The following EXOC6B variants were observed in gnomAD, a reference collection of about 807,000 sequenced individuals.
EXOC6B encodes exocyst complex component 6B.
In EXOC6B, 54 loss-of-function variants were observed where a neutral mutation model predicts 113.5. The ratio of observed to expected loss-of-function variants is 0.48; its 90% confidence interval spans 0.38 to 0.60. The LOEUF is 0.60. Among genes scored for constraint, EXOC6B ranks in the 20% least tolerant of loss-of-function variants. EXOC6B has a pLI of 0.00. For missense variants in EXOC6B, 797 were observed against 977.5 expected, an observed-to-expected ratio of 0.82 and a Z score of 2.46; for synonymous variants, 357 against 339.0, an observed-to-expected ratio of 1.05 and a Z score of -0.58.
chr2:72,650,508 G>A (rs1674082985), intron 6 of EXOC6B, among the ~76,000 whole-genome samples: 1 of 152,070 alleles, frequency 6.6e-6, no homozygotes, highest in South Asian at 2.1e-4. Context: ...GGCTGACGCA[G>A]GAGAATCACT....
chr2:72,758,768 G>A (rs551474450), intron 1 of EXOC6B, among the ~76,000 whole-genome samples: 2 of 152,206 alleles, frequency 1.3e-5, no homozygotes, highest in African/African-American at 4.8e-5. Context: ...TCACTGCAAA[G>A]CAACCAATCC....
intron 20 of EXOC6B, among the ~76,000 whole-genome samples, chr2:72,315,497 C>G (rs1479823481): frequency 6.6e-6 from 1 of 152,020 alleles, no homozygotes; most frequent in Non-Finnish European, 1.5e-5. Flanking sequence ...CCTTTATTGT[C>G]CTACTGATTA....
At chr2:72,501,348 A>G (rs1239305558) in intron 11 of EXOC6B, among the ~76,000 whole-genome samples, 1 of 152,054 alleles carries the variant, frequency 6.6e-6, no homozygotes, top group African/African-American at 2.4e-5. Context: ...TCCCTCTCTC[A>G]CAATGTGACA....
At chr2:72,255,616 C>T (rs1331406496) in intron 20 of EXOC6B, among the ~76,000 whole-genome samples, 1 of 152,168 alleles carries the variant, frequency 6.6e-6, no homozygotes, top group Admixed American at 6.5e-5. Context: ...TATCCCTATC[C>T]CACCACTGTA....
intron 21 of EXOC6B, 136 bp from the exon 22 acceptor site, chr2:72,179,597 C>T: frequency 1.0e-6 from 1 of 982,588 alleles, no homozygotes; most frequent in Non-Finnish European, 1.5e-6. Context: ...TCTCCACTGT[C>T]AGGCCCACAC....
rs530702671 is a variant in EXOC6B, at chr2:72,624,134, T to C, written c.670-48466A>G. 7.2e-5 allele frequency among the ~76,000 whole-genome samples: 11 copies of C among 152,194 alleles called. No individual in the cohort carries two copies. In the East Asian group the frequency reaches 1.2e-3, roughly 16 times the overall value. ...TTTCTCCCCTCAGATCAAAATCAGATCATCTTTTTTTTTTCCTTTTTTGAG... is the reference window on the plus strand; with the variant it reads ...TTTCTCCCCTCAGATCAAAATCAGACCATCTTTTTTTTTTCCTTTTTTGAG... On this transcript the variant is annotated intron_variant, in intron 6 of 21. Transcript: ENST00000272427.
chr2:72,473,390 A>T (rs1336052919), intron 17 of EXOC6B, among the ~76,000 whole-genome samples: 1 of 152,054 alleles, frequency 6.6e-6, no homozygotes, highest in Non-Finnish European at 1.5e-5. Flanking sequence ...ATTTGGTGTT[A>T]CATCCTCTTG....
chr2:72,632,988 C>A (rs1672576604), intron 6 of EXOC6B, among the ~76,000 whole-genome samples: 1 of 152,162 alleles, frequency 6.6e-6, no homozygotes, highest in Non-Finnish European at 1.5e-5. Context: ...CACCAGTTTT[C>A]TTAATCTATA....
At chr2:72,416,382 C>T (rs935603480) in intron 18 of EXOC6B, among the ~76,000 whole-genome samples, 9 of 152,110 alleles carry the variant, frequency 5.9e-5, no homozygotes, top group Non-Finnish European at 1.3e-4. Context: ...AAATGTGGTG[C>T]GTTTTACTCT....
chr2:72,401,506 TATATATATAC>T (rs1693166100), intron 18 of EXOC6B, among the ~76,000 whole-genome samples: 1 of 57,718 alleles, frequency 1.7e-5, no homozygotes, highest in Non-Finnish European at 2.6e-5. Context: ...TATATATATA[TATATATATAC>T]ATATATACAT....
intron 18 of EXOC6B, among the ~76,000 whole-genome samples, chr2:72,405,728 G>A (rs1044316776): frequency 2.0e-5 from 3 of 152,156 alleles, no homozygotes; most frequent in Non-Finnish European, 4.4e-5. Flanking sequence ...GGAACAACCA[G>A]TACCAGCCAC....
chr2:72,767,332 G>A (rs1683125265), intron 1 of EXOC6B, among the ~76,000 whole-genome samples: 2 of 152,086 alleles, frequency 1.3e-5, no homozygotes, highest in Non-Finnish European at 2.9e-5. Context: ...TGGAGAGGCT[G>A]AGGCAGGAGA....
chr2:72,765,994 T>C (rs776913877), intron 1 of EXOC6B, among the ~76,000 whole-genome samples: 2 of 152,222 alleles, frequency 1.3e-5, no homozygotes, highest in Non-Finnish European at 2.9e-5. Context: ...GTTATTATTT[T>C]CTCAACACAT....
chr2:72,210,217 G>C (rs1320145110), intron 20 of EXOC6B, among the ~76,000 whole-genome samples: 1 of 152,060 alleles, frequency 6.6e-6, no homozygotes, highest in African/African-American at 2.4e-5. Context: ...TTACTGTCAT[G>C]CAAAACGCTG....
At chr2:72,481,335 A>G (rs1307517978) in intron 16 of EXOC6B, among the ~76,000 whole-genome samples, 4 of 152,188 alleles carry the variant, frequency 2.6e-5, no homozygotes, top group African/African-American at 9.7e-5. Context: ...ATTCCCCCAT[A>G]TTATGGGAAC....
chr2:72,364,672 T>C (rs1690508523), intron 19 of EXOC6B, among the ~76,000 whole-genome samples: 1 of 152,140 alleles, frequency 6.6e-6, no homozygotes, highest in Non-Finnish European at 1.5e-5. Flanking sequence ...AATCAGGCCA[T>C]AAGATGGGTA....
At chr2:72,338,725 T>A (rs372197823) in intron 19 of EXOC6B, among the ~76,000 whole-genome samples, 1 of 152,122 alleles carries the variant, frequency 6.6e-6, no homozygotes, top group African/African-American at 2.4e-5. Context: ...TACGGTCTAA[T>A]TTCAACTATA....
At chr2:72,652,685 T>C (rs1489250299) in intron 6 of EXOC6B, among the ~76,000 whole-genome samples, 2 of 148,662 alleles carry the variant, frequency 1.3e-5, no homozygotes, top group African/African-American at 4.9e-5. Context: ...ATATAAATGA[T>C]TGTATACATT....
intron 17 of EXOC6B, among the ~76,000 whole-genome samples, chr2:72,467,090 C>T (rs937406421): frequency 6.6e-6 from 1 of 152,166 alleles, no homozygotes; most frequent in African/African-American, 2.4e-5. Flanking sequence ...GCATATTCTT[C>T]TTTCTGTGCC....
Sources: gnomAD v4.1 joint callset for allele counts (sites outside exome capture counted in the v4.1 genomes callset) on GRCh38, gnomAD v4.1.1 for gene constraint, MANE v1.5 for transcripts, NCBI Gene and HGNC (gene_info 2026-07-23, HGNC 2026-07-21) for gene names.